Variants in PDE10A observed in about 807,000 individuals in gnomAD.
PDE10A encodes the protein phosphodiesterase 10A.
Under a neutral mutation model 97.7 loss-of-function variants are expected in PDE10A, and 39 were observed. That is an observed-to-expected ratio of 0.40 (90% CI 0.31 to 0.52). PDE10A has a LOEUF of 0.52. PDE10A is among the 20% of genes least tolerant of loss of function. The pLI is 0.56. For missense variants in PDE10A, 731 were observed against 1,047.8 expected (o/e 0.70, Z 4.17); for synonymous variants, 371 against 376.8 (o/e 0.98, Z 0.18).
At chr6:165,807,092 C>T (rs1425627513) in intron 1 of PDE10A, among the ~76,000 whole-genome samples, 1 of 152,166 alleles carries the variant, frequency 6.6e-6, no homozygotes, top group Non-Finnish European at 1.5e-5. Flanking sequence ...AGTCATTTCT[C>T]TCTCTACACG....
At chr6:165,512,408 G>C (rs1398457468) in intron 2 of PDE10A, among the ~76,000 whole-genome samples, 2 of 151,500 alleles carry the variant, frequency 1.3e-5, no homozygotes, top group Admixed American at 1.3e-4. Flanking sequence ...TTTATTAATA[G>C]TAATAAAATA....
intron 1 of PDE10A, among the ~76,000 whole-genome samples, chr6:165,920,016 T>C (rs1782712239): frequency 6.6e-6 from 1 of 152,206 alleles, no homozygotes; most frequent in Non-Finnish European, 1.5e-5. Context: ...CCTAAATCAC[T>C]GCAATACTCT....
At chr6:165,645,721 G>A (rs561981886) in intron 1 of PDE10A, among the ~76,000 whole-genome samples, 1 of 151,892 alleles carries the variant, frequency 6.6e-6, no homozygotes, top group Non-Finnish European at 1.5e-5. Flanking sequence ...GGGTTTGGTG[G>A]TGTGCACCTG....
At chr6:165,927,306 T>A (rs924923112) in intron 1 of PDE10A, among the ~76,000 whole-genome samples, 1 of 152,182 alleles carries the variant, frequency 6.6e-6, no homozygotes, top group African/African-American at 2.4e-5. Flanking sequence ...GCCATAAGGA[T>A]ATTAGTTACA....
At chr6:165,559,888 T>C in intron 1 of PDE10A, among the ~76,000 whole-genome samples, 1 of 152,206 alleles carries the variant, frequency 6.6e-6, no homozygotes. Context: ...ATGTAAAAAG[T>C]GCCTTTCACC....
rs543307643 is a variant in PDE10A, at chr6:165,828,325, A to G, written c.-615+159204T>C. Among the ~76,000 whole-genome samples, 4 of 152,374 alleles carry G rather than the reference A, an allele frequency of 2.6e-5. No homozygotes were observed. In the East Asian group the frequency reaches 7.7e-4, roughly 29 times the overall value. On this transcript the variant is annotated intron_variant, in intron 1 of 19. Coordinates refer to the PDE10A transcript ENST00000366882. Reference sequence around the variant, plus strand: ...CTTGCTGAGAAGAATGTCAAAGTCCAGAGGATGAAAAGTATTCAATGCCCA... The same window carrying G: ...CTTGCTGAGAAGAATGTCAAAGTCCGGAGGATGAAAAGTATTCAATGCCCA...
rs372083664 is a variant in PDE10A at position 165,929,729 on chromosome 6, A to G, written c.-615+57800T>C. Among the ~76,000 whole-genome samples, 5 of 152,346 alleles carry G rather than the reference A, an allele frequency of 3.3e-5. No homozygotes were observed. In the South Asian group the frequency reaches 1.0e-3, roughly 32 times the overall value. On this transcript the variant is annotated intron_variant, in intron 1 of 19. Transcript: ENST00000366882. ...ACATCCCCATGACCGCGTCCCCACA[A>G]GAAAATCTGACCCAGCCTGTGGCAT...
chr6:165,453,837 C>A (rs918393207), intron 3 of PDE10A, among the ~76,000 whole-genome samples: 4 of 152,304 alleles, frequency 2.6e-5, no homozygotes, highest in Admixed American at 2.0e-4. Flanking sequence ...TAGAGAAGCC[C>A]TGGGAGCAAG....
intron 1 of PDE10A, among the ~76,000 whole-genome samples, chr6:165,730,869 C>A (rs1009150392): frequency 2.0e-5 from 3 of 151,884 alleles, no homozygotes; most frequent in South Asian, 2.1e-4. Context: ...CATAGTGAAA[C>A]CCCATCTCGA....
At chr6:165,601,160 T>G (rs1263725657) in intron 1 of PDE10A, among the ~76,000 whole-genome samples, 4 of 152,192 alleles carry the variant, frequency 2.6e-5, no homozygotes, top group Non-Finnish European at 4.4e-5. Flanking sequence ...GTTTCCACTT[T>G]TGCTTCTTCC....
At chr6:165,945,286 C>T (rs35886707) in intron 1 of PDE10A, among the ~76,000 whole-genome samples, 13,258 of 152,214 alleles carry the variant, frequency 0.087, 643 homozygotes, top group South Asian at 0.13. Flanking sequence ...ATAACTACAG[C>T]CAGCATCTAA....
chr6:165,662,009 T>A lies in PDE10A; in HGVS notation c.803A>T (p.Glu268Val), dbSNP rs1344758792. 9 of 1,492,390 alleles carry A rather than the reference T, an allele frequency of 6.0e-6. No homozygotes were observed. Among genetic ancestry groups the A allele is most frequent in the Non-Finnish European group, 8.2e-6 (9 of 1,103,460 alleles). The allele number at this position is 1,492,390 out of a possible 1,614,324, so 92.4% of individuals were successfully genotyped here. The part of the protein sequence containing the change: ...AAALLFGSDM[E>V]DGPSNNASCF... ...GCTCGCATTATTAGAAGGTCCATCT[T>A]CCATGTCGGAGCCGAAGAGCAGCGC... Residue 268 changes from glutamate to valine, a missense_variant, in exon 1 of 22, where the codon GAA becomes GTA. By Grantham distance (121) the Glu-to-Val change is moderately radical. Around this residue, in one of 8 missense-constraint regions of PDE10A, gnomAD observed 181 missense variants for 159.1 expected, o/e 1.14. Coordinates refer to ENST00000539869, the MANE Select transcript of PDE10A (RefSeq NM_001385079.1).
At chr6:165,903,940 G>C (rs1027334556) in intron 1 of PDE10A, among the ~76,000 whole-genome samples, 1 of 152,172 alleles carries the variant, frequency 6.6e-6, no homozygotes, top group African/African-American at 2.4e-5. Flanking sequence ...GGAGGCCACT[G>C]GGGACCATAA....
At chr6:165,502,994 G>A (rs772050419) in intron 2 of PDE10A, among the ~76,000 whole-genome samples, 6 of 152,158 alleles carry the variant, frequency 3.9e-5, no homozygotes, top group Non-Finnish European at 7.4e-5. Flanking sequence ...TTTATTGTAT[G>A]TAAATTATAC....
chr6:165,574,659 G>A (rs140683434), intron 1 of PDE10A, among the ~76,000 whole-genome samples: 1 of 152,046 alleles, frequency 6.6e-6, no homozygotes. Flanking sequence ...ACAAAAATAA[G>A]AGTTTTACTT....
At chr6:165,465,417 G>A (rs1372754713) in intron 3 of PDE10A, among the ~76,000 whole-genome samples, 1 of 152,170 alleles carries the variant, frequency 6.6e-6, no homozygotes, top group East Asian at 1.9e-4. Context: ...AAGAGAAAAA[G>A]CAGCCACCTT....
chr6:165,811,807 T>A (rs894507817), intron 1 of PDE10A, among the ~76,000 whole-genome samples: 1 of 152,232 alleles, frequency 6.6e-6, no homozygotes. Context: ...AATTTTGTCT[T>A]ATGCTGACGG....
At chr6:165,492,983 C>A (rs1780314971) in intron 2 of PDE10A, among the ~76,000 whole-genome samples, 2 of 152,122 alleles carry the variant, frequency 1.3e-5, no homozygotes, top group South Asian at 4.1e-4. Flanking sequence ...ACGAATTCAG[C>A]AAAGTTTCAG....
At chr6:165,840,346 G>T (rs999557141) in intron 1 of PDE10A, among the ~76,000 whole-genome samples, 6 of 152,202 alleles carry the variant, frequency 3.9e-5, no homozygotes, top group African/African-American at 1.4e-4. Context: ...AGCAACAAGA[G>T]CATTGGAGAT....
Sources: gnomAD v4.1 joint callset for allele counts (sites outside exome capture counted in the v4.1 genomes callset) on GRCh38, gnomAD v4.1.1 for gene constraint, gnomAD v4.1.1 regional missense constraint, MANE v1.5 for transcripts, NCBI Gene and HGNC (gene_info 2026-07-23, HGNC 2026-07-21) for gene names.